The following WDR49 variants were observed in gnomAD, a reference collection of about 807,000 sequenced individuals.
The protein encoded by WDR49 is cilia- and flagella-associated protein 337.
WDR49 carries 107 observed loss-of-function variants against 119.5 expected under a neutral mutation model. The ratio of observed to expected loss-of-function variants is 0.90; its 90% CI spans 0.77 to 1.05. WDR49 has a LOEUF of 1.05. Ranked by LOEUF, WDR49 falls within the 50% of genes least tolerant of loss-of-function variation. The probability of loss-of-function intolerance (pLI) is 0.00; values close to 1 mark genes in which losing one functional copy is unlikely to be tolerated. For synonymous variants in WDR49, 425 were observed against 418.8 expected, an observed-to-expected ratio of 1.01 and a Z score of -0.18; for missense variants, 1,240 against 1,220.5, an observed-to-expected ratio of 1.02 and a Z score of -0.24.
rs1338361023 is a variant in WDR49 at position 167,502,238 on chromosome 3, T to C, written c.2885-1939A>G. 2.0e-5 allele frequency among the ~76,000 whole-genome samples: 3 copies of C among 152,186 alleles called. No homozygotes were observed. In the South Asian group the frequency reaches 6.2e-4, roughly 32 times the overall value. ...GGTTTCTGAGGCCCTCACCAGAAGGTGGGCAAATGTTGGTGCCATACCTGA... is the reference window on the plus strand; with the variant it reads ...GGTTTCTGAGGCCCTCACCAGAAGGCGGGCAAATGTTGGTGCCATACCTGA... On this transcript the variant is annotated intron_variant, in intron 17 of 18. Coordinates refer to ENST00000682715, the MANE Select transcript of WDR49 (RefSeq NM_001366157.1).
chr3:167,538,828 T>C (rs1053536644), intron 10 of WDR49, among the ~76,000 whole-genome samples: 3 of 152,146 alleles, frequency 2.0e-5, no homozygotes, highest in African/African-American at 4.8e-5. Context: ...ATTTGCAAGA[T>C]GAAAACACTC....
At chr3:167,562,532 A>G (rs1292198866) in intron 8 of WDR49, among the ~76,000 whole-genome samples, 1 of 152,240 alleles carries the variant, frequency 6.6e-6, no homozygotes, top group Non-Finnish European at 1.5e-5. Context: ...AATCAAAATT[A>G]CCTTAAATAT....
intron 10 of WDR49, among the ~76,000 whole-genome samples, chr3:167,540,065 C>T (rs1711690249): frequency 6.6e-6 from 1 of 152,104 alleles, no homozygotes; most frequent in Admixed American, 6.6e-5. Context: ...AAAGCACCAC[C>T]TCCTGGCTGG....
chr3:167,583,683 A>C (rs1051808270), intron 7 of WDR49, among the ~76,000 whole-genome samples: 5 of 152,176 alleles, frequency 3.3e-5, no homozygotes, highest in African/African-American at 1.2e-4. Flanking sequence ...AAAGAACAAC[A>C]ACCAGAAGCC....
chr3:167,495,096 C>T (rs1352556400), intron 18 of WDR49, among the ~76,000 whole-genome samples: 2 of 151,620 alleles, frequency 1.3e-5, no homozygotes, highest in Admixed American at 1.3e-4. Context: ...TTCTGTCATA[C>T]AATAAAAAAT....
chr3:167,633,842 A>G (rs1043000378), intron 2 of WDR49, among the ~76,000 whole-genome samples: 4 of 151,972 alleles, frequency 2.6e-5, no homozygotes, highest in African/African-American at 9.7e-5. Context: ...TGAAGTACCA[A>G]TAAGATTGTC....
rs1025761316 is a variant in WDR49 at position 167,647,542 on chromosome 3, C to T, written c.165+5719G>A. On this transcript the variant is annotated intron_variant, in intron 2 of 18. Transcript: ENST00000682715. ...TTTAACAAATCAGATAAAACCACCA[C>T]AGAATTCCTCTGCCATTTCTAATTG... is the stretch of plus-strand genomic sequence containing the variant. Among the ~76,000 whole-genome samples, 89 of 152,326 alleles carry T rather than the reference C, an allele frequency of 5.8e-4. 1 individual carries two copies. Among genetic ancestry groups the T allele is most frequent in the African/African-American group, 2.0e-3 (84 of 41,576 alleles).
At chr3:167,563,319 A>T (rs1713385417) in intron 8 of WDR49, among the ~76,000 whole-genome samples, 1 of 143,396 alleles carries the variant, frequency 7.0e-6, no homozygotes, top group South Asian at 2.2e-4. Context: ...GCGCCACCGC[A>T]CTCCAGCCTG....
At chr3:167,646,987 C>A (rs544092494) in intron 2 of WDR49, among the ~76,000 whole-genome samples, 13 of 152,220 alleles carry the variant, frequency 8.5e-5, no homozygotes, top group African/African-American at 3.1e-4. Flanking sequence ...CTATTTCTAG[C>A]AATAGAGTGA....
chr3:167,501,657 A>G (rs910325041), intron 17 of WDR49, among the ~76,000 whole-genome samples: 2 of 152,216 alleles, frequency 1.3e-5, no homozygotes, highest in African/African-American at 4.8e-5. Flanking sequence ...AGTAAGTAAC[A>G]TATTTTCATT....
At chr3:167,553,601 T>C (rs902386391) in intron 10 of WDR49, among the ~76,000 whole-genome samples, 2 of 152,086 alleles carry the variant, frequency 1.3e-5, no homozygotes, top group Non-Finnish European at 2.9e-5. Flanking sequence ...ACACCACACA[T>C]GGTAGAGAGC....
In WDR49 at chr3:167,628,990, G is replaced by T. The variant is rs62278322; in HGVS notation, c.166-1698C>A. Among the ~76,000 whole-genome samples, 1,031 of 152,242 alleles carry T rather than the reference G, an allele frequency of 6.8e-3. 4 individuals carry two copies. The highest frequency in any genetic ancestry group is 9.9e-3 in the Non-Finnish European group (675 of 67,994). ...ATGCTAAATCTGGCTGGGCACAGTG[G>T]CTCATGCCTATAATCCCAGAACTTT... On this transcript the variant is annotated intron_variant, in intron 2 of 18. Transcript: ENST00000682715.
intron 15 of WDR49, among the ~76,000 whole-genome samples, chr3:167,526,175 G>T (rs1312114124): frequency 6.6e-6 from 1 of 152,006 alleles, no homozygotes; most frequent in Admixed American, 6.6e-5. Flanking sequence ...TCTCATGAGG[G>T]CTTTTTGCAT....
At chr3:167,626,184 A>G in intron 3 of WDR49, among the ~76,000 whole-genome samples, 1 of 152,036 alleles carries the variant, frequency 6.6e-6, no homozygotes, top group Non-Finnish European at 1.5e-5. Context: ...ATAAAATAAT[A>G]TGATGTTTTT....
At chr3:167,652,149 A>G (rs889664828) in intron 2 of WDR49, among the ~76,000 whole-genome samples, 18 of 152,230 alleles carry the variant, frequency 1.2e-4, no homozygotes, top group Non-Finnish European at 1.9e-4. Flanking sequence ...TAGCAAATAT[A>G]TGAAGGTTGA....
At chr3:167,509,087 G>T (rs1391835238) in intron 16 of WDR49, among the ~76,000 whole-genome samples, 3 of 152,138 alleles carry the variant, frequency 2.0e-5, no homozygotes, top group African/African-American at 4.8e-5. Flanking sequence ...GAAACTAGTA[G>T]AATTTTTGTT....
rs191752345 is a variant in WDR49 at position 167,625,231 on chromosome 3, G to A, written c.606+1621C>T. 3.8e-3 allele frequency among the ~76,000 whole-genome samples: 579 copies of A among 152,058 alleles called. 4 individuals carry two copies. The highest frequency in any genetic ancestry group is 0.014 in the African/African-American group (561 of 41,522). On this transcript the variant is annotated intron_variant, in intron 3 of 18. Transcript: ENST00000682715. ...ATTCTGGAACATTTTGTCATACCAC[G>A]AAACAAAGAAGCTTTCAAGCACTGT...
intron 2 of WDR49, among the ~76,000 whole-genome samples, chr3:167,640,814 G>C (rs1240662155): frequency 6.6e-6 from 1 of 151,734 alleles, no homozygotes; most frequent in Non-Finnish European, 1.5e-5. Flanking sequence ...GAGGTGGAAA[G>C]GATGGGAGAC....
At chr3:167,626,767 C>T in intron 3 of WDR49, 85 bp downstream of exon 3, 1 of 1,102,174 alleles carries the variant, frequency 9.1e-7, no homozygotes. Context: ...AGTAATGCAG[C>T]TTTCTGTTAC....
Sources: gnomAD v4.1 joint callset for allele counts (sites outside exome capture counted in the v4.1 genomes callset) on GRCh38, gnomAD v4.1.1 for gene constraint, MANE v1.5 for transcripts, NCBI Gene and HGNC (gene_info 2026-07-23, HGNC 2026-07-21) for gene names.